KMT2C: variants seen among roughly 807,000 people sequenced by gnomAD.
KMT2C encodes the protein histone-lysine N-methyltransferase 2C.
A neutral mutation model predicts 507.9 loss-of-function variants in KMT2C; 88 were observed. The observed-to-expected ratio is 0.17, with a 90% confidence interval of 0.15 to 0.21. KMT2C has a LOEUF of 0.21. KMT2C is among the 10% of genes least tolerant of loss of function. The pLI is 1.00. For missense variants in KMT2C, 4,954 were observed against 5,957.8 expected (o/e 0.83, Z 5.55); for synonymous variants, 2,049 against 2,080.8 (o/e 0.98, Z 0.42).
Position 152,251,930 on chromosome 7 carries a change from C to G in KMT2C, c.1621+9G>C, listed in dbSNP as rs1170558165. 3 of 1,563,048 alleles carry G rather than the reference C, an allele frequency of 1.9e-6. No individual in the cohort carries two copies. The highest frequency in any genetic ancestry group is 1.7e-4 in the Middle Eastern group (1 of 5,796). ...AAAAAATTTAAAAAAAAATCATTCT[C>G]AAATTTACCTGTAGTGAGCTCAGCT... On this transcript the variant is annotated intron_variant, in intron 11 of 58. Coordinates refer to ENST00000262189, the MANE Select transcript of KMT2C (RefSeq NM_170606.3).
intron 16 of KMT2C, among the ~76,000 whole-genome samples, chr7:152,234,224 A>C (rs2095211670): frequency 6.6e-6 from 1 of 151,186 alleles, no homozygotes; most frequent in Non-Finnish European, 1.5e-5. Context: ...CTAAAAATAC[A>C]AAAAAAAATT....
At chr7:152,322,058 CAA>C (rs34263222) in intron 3 of KMT2C, among the ~76,000 whole-genome samples, 7 of 138,062 alleles carry the variant, frequency 5.1e-5, no homozygotes, top group Admixed American at 7.2e-5. Context: ...GTACTGGCAC[CAA>C]AAAAAAAAAA....
At chr7:152,273,065 A>T (rs2096007343) in intron 7 of KMT2C, among the ~76,000 whole-genome samples, 2 of 152,182 alleles carry the variant, frequency 1.3e-5, no homozygotes, top group South Asian at 4.1e-4. Context: ...AGAGATCTCT[A>T]TTTAATGATA....
chr7:152,200,444 A>G (rs1473339291), intron 26 of KMT2C, among the ~76,000 whole-genome samples: 2 of 152,200 alleles, frequency 1.3e-5, no homozygotes, highest in African/African-American at 4.8e-5. Flanking sequence ...ATTATAAAAT[A>G]CAGGTCGGGC....
At chr7:152,253,181 G>C (rs1321188660) in intron 9 of KMT2C, among the ~76,000 whole-genome samples, 2 of 151,994 alleles carry the variant, frequency 1.3e-5, no homozygotes, top group African/African-American at 4.8e-5. Flanking sequence ...TTAAAAAGCT[G>C]TTTTCAATGT....
intron 1 of KMT2C, chr7:152,368,540 T>G: frequency 1.5e-6 from 2 of 1,368,746 alleles, no homozygotes; most frequent in Non-Finnish European, 2.0e-6. Flanking sequence ...CACAAAGAAT[T>G]AGAGGAAAAA....
At chr7:152,208,402 G>C (rs67899229) in intron 23 of KMT2C, among the ~76,000 whole-genome samples, 6,171 of 152,278 alleles carry the variant, frequency 0.041, 204 homozygotes, top group East Asian at 0.17. Context: ...ATGTCAAACA[G>C]TTGTATGCTC....
At chr7:152,298,053 A>C (rs899524566) in intron 6 of KMT2C, among the ~76,000 whole-genome samples, 90 of 152,294 alleles carry the variant, frequency 5.9e-4, no homozygotes, top group African/African-American at 2.1e-3. Flanking sequence ...ACTGCAGAAG[A>C]AAAGATTAGC....
intron 39 of KMT2C, among the ~76,000 whole-genome samples, chr7:152,173,281 C>T (rs566590458): frequency 6.6e-6 from 1 of 152,128 alleles, no homozygotes; most frequent in Non-Finnish European, 1.5e-5. Flanking sequence ...TAATCATCCA[C>T]ATTTTTTATA....
intron 2 of KMT2C, among the ~76,000 whole-genome samples, chr7:152,333,455 T>C (rs1381416279): frequency 7.9e-5 from 12 of 152,202 alleles, no homozygotes; most frequent in Non-Finnish European, 1.6e-4. Flanking sequence ...GAACTTATTA[T>C]CCACATTTCA....
At chr7:152,398,380 G>C (rs1327581355) in intron 1 of KMT2C, among the ~76,000 whole-genome samples, 11 of 151,980 alleles carry the variant, frequency 7.2e-5, no homozygotes, top group Non-Finnish European at 1.5e-4. Flanking sequence ...ACCACAAAGT[G>C]ACAAAATCAA....
At chr7:152,360,253 G>A (rs1256648796) in intron 1 of KMT2C, among the ~76,000 whole-genome samples, 16 of 150,856 alleles carry the variant, frequency 1.1e-4, no homozygotes, top group Non-Finnish European at 1.9e-4. Context: ...CGAGGTGGGT[G>A]GATCACCTGA....
intron 2 of KMT2C, among the ~76,000 whole-genome samples, chr7:152,346,397 G>A (rs1332932437): frequency 1.3e-5 from 2 of 152,096 alleles, no homozygotes; most frequent in African/African-American, 2.4e-5. Context: ...CTCAGATCAC[G>A]TCAGAATTCA....
intron 6 of KMT2C, among the ~76,000 whole-genome samples, chr7:152,305,565 T>A (rs1315682065): frequency 6.6e-6 from 1 of 152,212 alleles, no homozygotes; most frequent in East Asian, 1.9e-4. Context: ...TTTTTTTTTT[T>A]TTTCTCAGAA....
chr7:152,367,879 T>C (rs948283889), intron 1 of KMT2C: 11 of 1,069,078 alleles, frequency 1.0e-5, no homozygotes, highest in East Asian at 4.7e-5. Flanking sequence ...CCATTGGATA[T>C]TGAGTTTATG....
chr7:152,425,498 A>G (rs1392604791), intron 1 of KMT2C, among the ~76,000 whole-genome samples: 1 of 152,148 alleles, frequency 6.6e-6, no homozygotes, highest in Admixed American at 6.6e-5. Flanking sequence ...AATCGCTGGA[A>G]CCAGGGAGGC....
chr7:152,263,439 G>T (rs1428335058), intron 8 of KMT2C, among the ~76,000 whole-genome samples: 7 of 152,174 alleles, frequency 4.6e-5, no homozygotes, highest in Non-Finnish European at 2.9e-5. Flanking sequence ...TGAGAGGAAG[G>T]TGCTATAACT....
intron 2 of KMT2C, among the ~76,000 whole-genome samples, chr7:152,344,473 C>T (rs146046471): frequency 6.6e-6 from 1 of 152,100 alleles, no homozygotes; most frequent in Non-Finnish European, 1.5e-5. Flanking sequence ...TGGAATTTCC[C>T]ATTTAGTATT....
chr7:152,244,284 T>C (rs986919088), intron 14 of KMT2C, among the ~76,000 whole-genome samples: 1 of 152,176 alleles, frequency 6.6e-6, no homozygotes, highest in Non-Finnish European at 1.5e-5. Context: ...GTAGGGCCAT[T>C]AGCTTGATGT....
Sources: gnomAD v4.1 joint callset for allele counts (sites outside exome capture counted in the v4.1 genomes callset) on GRCh38, gnomAD v4.1.1 for gene constraint, MANE v1.5 for transcripts, NCBI Gene and HGNC (gene_info 2026-07-23, HGNC 2026-07-21) for gene names.